Variants in RFX2 observed in about 807,000 individuals in gnomAD.
RFX2 encodes the protein regulatory factor X2.
A neutral mutation model predicts 87.8 loss-of-function variants in RFX2; 20 were observed. The ratio of observed to expected loss-of-function variants is 0.23; its 90% CI spans 0.16 to 0.33. The LOEUF is 0.33. RFX2 is among the 10% of genes least tolerant of loss of function. The pLI is 1.00. For missense variants in RFX2, 767 were observed against 1,012.3 expected (o/e 0.76, Z 3.29); for synonymous variants, 397 against 431.3 (o/e 0.92, Z 0.98).
In RFX2 at chr19:6,004,617, T is replaced by G. The variant is rs1450763702; in HGVS notation, c.1403-319A>C. ...GCATGGAGTGGGTGGAGGCTAGGGATGCTCCTCAGCACCCCACAGTGCCCA... is the reference window on the plus strand; with the variant it reads ...GCATGGAGTGGGTGGAGGCTAGGGAGGCTCCTCAGCACCCCACAGTGCCCA... On this transcript the variant is annotated intron_variant, in intron 12 of 17. Transcript: ENST00000303657. This position sits in a 1 kb window ranked among gnomAD's most constrained non-coding sequence, Gnocchi z 4.8. 6.6e-6 allele frequency among the ~76,000 whole-genome samples: 1 copy of G among 151,382 alleles called. No homozygotes were observed. The highest frequency in any genetic ancestry group is 2.4e-5 in the African/African-American group (1 of 41,178).
rs1273826527 is a variant in RFX2, at chr19:6,011,759, C to G, written c.899+1227G>C. 6.6e-6 allele frequency among the ~76,000 whole-genome samples: 1 copy of G among 152,218 alleles called. No homozygotes were observed. The highest frequency in any genetic ancestry group is 1.5e-5 in the Non-Finnish European group (1 of 68,046). On this transcript the variant is annotated intron_variant, in intron 8 of 17. Coordinates refer to ENST00000303657, the MANE Select transcript of RFX2 (RefSeq NM_000635.4). The surrounding 1 kb of genome is among the most constrained non-coding windows in gnomAD (Gnocchi z 4.8). The stretch of plus-strand genomic sequence containing the variant: ...GGAGTCAATGGGTTACGCAGAGCAG[C>G]TGGAATGGGTTTTTGAGCCACACAC...
chr19:6,046,604 CCTT>C (rs2087194193), intron 2 of RFX2, among the ~76,000 whole-genome samples: 1 of 131,954 alleles, frequency 7.6e-6, no homozygotes, highest in South Asian at 2.3e-4. Flanking sequence ...TGCCTTTTTG[CCTT>C]TTTTTTTTTT....
intron 1 of RFX2, among the ~76,000 whole-genome samples, chr19:6,082,901 T>C (rs903952058): frequency 6.6e-6 from 1 of 152,226 alleles, no homozygotes; most frequent in African/African-American, 2.4e-5. Context: ...GTGCTGATCC[T>C]GTCTTTATGT....
intron 1 of RFX2, among the ~76,000 whole-genome samples, chr19:6,072,323 C>T (rs944809565): frequency 3.9e-5 from 6 of 152,190 alleles, no homozygotes; most frequent in South Asian, 2.1e-4. Context: ...GAAGCCTTGG[C>T]GGCCCAAGTA....
chr19:6,042,393 G>A (rs1474811113), intron 3 of RFX2, among the ~76,000 whole-genome samples: 4 of 152,178 alleles, frequency 2.6e-5, no homozygotes, highest in Non-Finnish European at 4.4e-5. Context: ...CTCTGTATAC[G>A]TGGGGGCGGG....
intron 1 of RFX2, among the ~76,000 whole-genome samples, chr19:6,105,769 GGA>G (rs931961532): frequency 6.6e-6 from 1 of 152,058 alleles, no homozygotes; most frequent in African/African-American, 2.4e-5. Context: ...TGATGGCTTG[GGA>G]GAGAGGAGTC....
chr19:5,999,873 AG>A lies in RFX2; in HGVS notation c.1859+1941del, dbSNP rs937780841. Among the ~76,000 whole-genome samples, 3 of 151,876 alleles carry A rather than the reference AG, an allele frequency of 2.0e-5. No individual in the cohort carries two copies. The highest frequency in any genetic ancestry group is 7.3e-5 in the African/African-American group (3 of 41,334). On this transcript the variant is annotated intron_variant, in intron 15 of 17. Transcript: ENST00000303657. This position sits in a 1 kb window ranked among gnomAD's most constrained non-coding sequence, Gnocchi z 4.1. ...GTCTGGGGGAAAGATGTTCCAGGCAAGGGGGGCAGGTGCAAAGGCCCTGAGG... is the reference window on the plus strand; with the variant it reads ...GTCTGGGGGAAAGATGTTCCAGGCAAGGGGGCAGGTGCAAAGGCCCTGAGG...
rs1017376257 is a variant in RFX2, at chr19:6,021,933, C to A, written c.597+4230G>T. Among the ~76,000 whole-genome samples the A allele has an allele frequency of 5.3e-5, 8 of 152,044 alleles. No individual in the cohort carries two copies. The highest frequency in any genetic ancestry group is 4.2e-4 in the South Asian group (2 of 4,812). ...CCGAAAGAATCCACAGGGACAGTGG[C>A]GGCTCGGGAAGTAGTCGAAGTGGAG... On this transcript the variant is annotated intron_variant, in intron 6 of 17. Coordinates refer to ENST00000303657, the MANE Select transcript of RFX2 (RefSeq NM_000635.4). This position sits in a 1 kb window ranked among gnomAD's most constrained non-coding sequence, Gnocchi z 5.7.
At chr19:6,081,385 C>T (rs763856090) in intron 1 of RFX2, among the ~76,000 whole-genome samples, 9 of 152,098 alleles carry the variant, frequency 5.9e-5, no homozygotes, top group Non-Finnish European at 2.9e-5. Flanking sequence ...TCTGTGGAAC[C>T]GGGGAAGGAA....
intron 16 of RFX2, among the ~76,000 whole-genome samples, chr19:5,996,049 G>A (rs1211616449): frequency 1.3e-5 from 2 of 152,280 alleles, no homozygotes; most frequent in Non-Finnish European, 2.9e-5. Context: ...CCAATGTGCA[G>A]AGAACAGGCG....
chr19:6,038,017 C>A (rs1435583938), intron 5 of RFX2, among the ~76,000 whole-genome samples: 4 of 152,190 alleles, frequency 2.6e-5, no homozygotes, highest in African/African-American at 9.6e-5. Context: ...TGATAGGAAG[C>A]AGATCTAAAT....
Position 6,061,953 on chromosome 19 carries a change from G to T in RFX2, c.-8-14449C>A, listed in dbSNP as rs946183145. On this transcript the variant is annotated intron_variant, in intron 1 of 17. Transcript: ENST00000303657. The surrounding 1 kb of genome is among the most constrained non-coding windows in gnomAD (Gnocchi z 5.2). ...ACCCAGGAGTTCGAGACCAGCCTGG[G>T]CAACATAGCGAGGCCCCATCTCTAC... 6.6e-6 allele frequency among the ~76,000 whole-genome samples: 1 copy of T among 152,130 alleles called. No homozygotes were observed. Among genetic ancestry groups the T allele is most frequent in the African/African-American group, 2.4e-5 (1 of 41,422 alleles).
At chr19:6,077,434 G>A (rs529839419) in intron 1 of RFX2, among the ~76,000 whole-genome samples, 2 of 152,174 alleles carry the variant, frequency 1.3e-5, no homozygotes, top group East Asian at 3.9e-4. Flanking sequence ...CACCCAAGAG[G>A]GGCGTGTGCC....
At chr19:6,053,074 TAAA>T (rs2087286655) in intron 1 of RFX2, among the ~76,000 whole-genome samples, 2 of 151,160 alleles carry the variant, frequency 1.3e-5, no homozygotes, top group Admixed American at 6.6e-5. Flanking sequence ...GGAAAAACAA[TAAA>T]GAACAAAATT....
chr19:6,068,500 CAGA>C (rs977982171), intron 1 of RFX2: 42 of 152,304 alleles, frequency 2.8e-4, no homozygotes, highest in Admixed American at 2.7e-3. Context: ...AGGAAGCAGA[CAGA>C]AGGAGTGCTG....
At chr19:6,088,577 G>A (rs1340723789) in intron 1 of RFX2, among the ~76,000 whole-genome samples, 1 of 152,066 alleles carries the variant, frequency 6.6e-6, no homozygotes, top group Non-Finnish European at 1.5e-5. Flanking sequence ...CCTGCAAGAT[G>A]GATGTAGCCA....
chr19:5,994,178 G>C lies in RFX2; in HGVS notation c.*657C>G, dbSNP rs1292054656. 2 of 152,298 alleles carry C rather than the reference G, an allele frequency of 1.3e-5. No individual in the cohort carries two copies. The highest frequency in any genetic ancestry group is 1.3e-4 in the Admixed American group (2 of 15,284). The allele number at this position is 152,298 out of a possible 1,614,324, so 9.4% of individuals were successfully genotyped here. ...TGTCAGCTGCCCCTCAAGTCCTTTG[G>C]CATCTGGAGATGGGTTCCTGCAGCA... On this transcript the variant is annotated 3_prime_UTR_variant, in exon 18 of 18. Transcript: ENST00000303657.
chr19:6,012,891 G>T lies in RFX2; in HGVS notation c.899+95C>A. 8.1e-7 allele frequency: 1 copy of T among 1,241,398 alleles called. No individual in the cohort carries two copies. The highest frequency in any genetic ancestry group is 1.1e-6 in the Non-Finnish European group (1 of 951,940). The allele number at this position is 1,241,398 out of a possible 1,614,324, so 76.9% of individuals were successfully genotyped here. A position where few individuals can be genotyped will look rare whatever the true frequency, so the allele number is the denominator to read the frequency against. On this transcript the variant is annotated intron_variant, in intron 8 of 17. Coordinates refer to ENST00000303657, the MANE Select transcript of RFX2 (RefSeq NM_000635.4). This position sits in a 1 kb window ranked among gnomAD's most constrained non-coding sequence, Gnocchi z 4.6. ...GGCTTTCCCAGGATGCTGGAGACTG[G>T]GGAGTTATGATGAGTTTGTTTCGTG...
chr19:6,096,663 G>A (rs1019687656), intron 1 of RFX2, among the ~76,000 whole-genome samples: 2 of 152,180 alleles, frequency 1.3e-5, no homozygotes, highest in Admixed American at 6.5e-5. Context: ...AGCCAGGATG[G>A]TCTCGATCTC....
Sources: gnomAD v4.1 joint callset for allele counts (sites outside exome capture counted in the v4.1 genomes callset) on GRCh38, gnomAD v4.1.1 for gene constraint, Gnocchi (gnomAD v3.1) non-coding constraint, MANE v1.5 for transcripts, NCBI Gene and HGNC (gene_info 2026-07-23, HGNC 2026-07-21) for gene names.